UTRN: variants seen among roughly 807,000 people sequenced by gnomAD.
The protein encoded by UTRN is dystrophin-related protein 1.
UTRN carries 283 observed loss-of-function variants against 463.9 expected under a neutral mutation model. The ratio of observed to expected loss-of-function variants is 0.61; its 90% CI spans 0.55 to 0.67. The LOEUF is 0.67. Among genes scored for constraint, UTRN ranks in the 30% least tolerant of loss-of-function variants. The probability of loss-of-function intolerance (pLI) is 0.00; values close to 1 mark genes in which losing one functional copy is unlikely to be tolerated. For synonymous variants in UTRN, 1,442 were observed against 1,431.5 expected, an observed-to-expected ratio of 1.01 and a Z score of -0.17; for missense variants, 3,922 against 4,084.3, an observed-to-expected ratio of 0.96 and a Z score of 1.08.
chr6:144,423,679 T>C (rs1422295378), intron 5 of UTRN, 53 bp downstream of exon 5: 1 of 1,591,664 alleles, frequency 6.3e-7, no homozygotes, highest in Non-Finnish European at 8.6e-7. Flanking sequence ...GCATTATTTA[T>C]TGTGAAACTC....
At chr6:144,840,472 T>A (rs576894283) in intron 72 of UTRN, among the ~76,000 whole-genome samples, 1 of 152,322 alleles carries the variant, frequency 6.6e-6, no homozygotes, top group South Asian at 2.1e-4. Flanking sequence ...TACTTGTTTT[T>A]CAGTCTCATA....
intron 54 of UTRN, among the ~76,000 whole-genome samples, chr6:144,744,318 A>ATGTGTGTGTGTG (rs750924642): frequency 2.2e-5 from 3 of 135,598 alleles, no homozygotes; most frequent in African/African-American, 8.8e-5. Context: ...ATATATATAT[A>ATGTGTGTGTGTG]TATGTGTGTG....
intron 51 of UTRN, among the ~76,000 whole-genome samples, chr6:144,624,745 T>C (rs1408154831): frequency 3.9e-5 from 6 of 152,144 alleles, no homozygotes; most frequent in Non-Finnish European, 8.8e-5. Context: ...GCAGTGGTGA[T>C]ACAGTACTAA....
intron 57 of UTRN, among the ~76,000 whole-genome samples, chr6:144,755,651 T>G (rs1178555094): frequency 1.3e-5 from 2 of 152,308 alleles, no homozygotes; most frequent in East Asian, 3.9e-4. Context: ...TTAATTCCTT[T>G]CCTTTCATTT....
chr6:144,292,430 T>C (rs1323399521), intron 2 of UTRN, among the ~76,000 whole-genome samples: 1 of 152,146 alleles, frequency 6.6e-6, no homozygotes, highest in Non-Finnish European at 1.5e-5. Context: ...CTCAGACAGA[T>C]TCATGGTTTT....
chr6:144,516,349 G>A lies in UTRN; in HGVS notation c.5365G>A (p.Val1789Met). Residue 1789 changes from valine to methionine, a missense_variant, in exon 38 of 75, where the codon GTG becomes ATG. By Grantham distance (21) the Val-to-Met change is conservative. Coordinates refer to ENST00000367545, the MANE Select transcript of UTRN (RefSeq NM_007124.3). ...TGACATAGAAAATATGTTAAAATTT[G>A]TGGAAAAACACTTGGAATCCAGTGA... is the stretch of plus-strand genomic sequence containing the variant. ...ENDIENMLKF[V>M]EKHLESSDED... 6.2e-7 allele frequency: 1 copy of A among 1,613,578 alleles called. No individual in the cohort carries two copies. The highest frequency in any genetic ancestry group is 8.5e-7 in the Non-Finnish European group (1 of 1,179,844).
chr6:144,659,518 C>A (rs1427938683), intron 51 of UTRN, among the ~76,000 whole-genome samples: 1 of 152,146 alleles, frequency 6.6e-6, no homozygotes, highest in African/African-American at 2.4e-5. Flanking sequence ...TTGACAGCAT[C>A]CCTTAGGCCA....
intron 2 of UTRN, among the ~76,000 whole-genome samples, chr6:144,304,205 AT>A (rs1805518650): frequency 6.6e-6 from 1 of 152,136 alleles, no homozygotes; most frequent in South Asian, 2.1e-4. Context: ...ATATGCTGAT[AT>A]TTCAGAAATG....
At chr6:144,622,941 C>T (rs1462545975) in intron 51 of UTRN, among the ~76,000 whole-genome samples, 1 of 152,148 alleles carries the variant, frequency 6.6e-6, no homozygotes, top group African/African-American at 2.4e-5. Context: ...AGATTATTGG[C>T]AACTCCATTA....
chr6:144,479,155 G>A (rs988808232), intron 25 of UTRN, among the ~76,000 whole-genome samples: 3 of 116,096 alleles, frequency 2.6e-5, no homozygotes, highest in Admixed American at 1.2e-4. Context: ...GTCTCGCTCT[G>A]TTCCCTGGGT....
chr6:144,674,380 G>A (rs9399486), intron 51 of UTRN, among the ~76,000 whole-genome samples: 18,516 of 149,934 alleles, frequency 0.12, 1,656 homozygotes, highest in East Asian at 0.51. Context: ...TGGGTTAGTT[G>A]GAAAGCCTTG....
At chr6:144,689,787 C>G (rs576787162) in intron 52 of UTRN, among the ~76,000 whole-genome samples, 2 of 151,928 alleles carry the variant, frequency 1.3e-5, no homozygotes, top group East Asian at 3.9e-4. Flanking sequence ...GTAATAGTAA[C>G]GAACAGGTCA....
intron 2 of UTRN, among the ~76,000 whole-genome samples, chr6:144,343,411 A>ACAG (rs1562270899): frequency 7.9e-6 from 1 of 126,114 alleles, no homozygotes; most frequent in Non-Finnish European, 1.7e-5. Context: ...CACACACACA[A>ACAG]TAGCCGGGCA....
chr6:144,377,320 AGCCACGGTGCCCGG>A (rs1780552185), intron 2 of UTRN, among the ~76,000 whole-genome samples: 4 of 152,180 alleles, frequency 2.6e-5, no homozygotes, highest in African/African-American at 9.7e-5. Context: ...TACAGGTGTG[AGCCACGGTGCCCGG>A]CCTGTACCAA....
intron 2 of UTRN, among the ~76,000 whole-genome samples, chr6:144,362,759 G>A (rs1779187858): frequency 6.6e-6 from 1 of 152,196 alleles, no homozygotes; most frequent in Non-Finnish European, 1.5e-5. Flanking sequence ...GTTATGTGAT[G>A]TGAAAGTTGA....
intron 2 of UTRN, among the ~76,000 whole-genome samples, chr6:144,358,407 G>A (rs1335286276): frequency 6.6e-6 from 1 of 152,108 alleles, no homozygotes; most frequent in Non-Finnish European, 1.5e-5. Flanking sequence ...GATTCTTTTT[G>A]CCTATTTGCT....
chr6:144,780,804 G>A (rs1456776370), intron 60 of UTRN, among the ~76,000 whole-genome samples: 3 of 152,194 alleles, frequency 2.0e-5, no homozygotes, highest in Admixed American at 6.5e-5. Context: ...CCACACTGCA[G>A]TCCACCATTC....
chr6:144,714,448 A>G (rs1055314381), intron 53 of UTRN, among the ~76,000 whole-genome samples: 2 of 152,180 alleles, frequency 1.3e-5, no homozygotes, highest in Non-Finnish European at 2.9e-5. Context: ...TCTATTTGTT[A>G]TAATTCAGCT....
At chr6:144,670,110 C>T (rs1780853838) in intron 51 of UTRN, among the ~76,000 whole-genome samples, 2 of 151,960 alleles carry the variant, frequency 1.3e-5, no homozygotes, top group East Asian at 1.9e-4. Flanking sequence ...ATGTCTTTTT[C>T]ATATAATGAC....
Sources: allele counts gnomAD v4.1 joint callset (sites outside exome capture counted in the v4.1 genomes callset), GRCh38; gene constraint gnomAD v4.1.1; transcripts MANE v1.5; gene names NCBI Gene and HGNC (gene_info 2026-07-23, HGNC 2026-07-21).